ERC2: variants seen among roughly 807,000 people sequenced by gnomAD.
The protein encoded by ERC2 is ELKS/RAB6-interacting/CAST family member 2.
A neutral mutation model predicts 114.8 loss-of-function variants in ERC2; 42 were observed. The ratio of observed to expected loss-of-function variants is 0.37; its 90% confidence interval spans 0.29 to 0.47. ERC2 has a LOEUF of 0.47. ERC2 is among the 20% of genes least tolerant of loss of function. The pLI, the probability that ERC2 is intolerant of heterozygous loss-of-function variation, is 0.99. For synonymous variants in ERC2, 454 were observed against 425.5 expected (o/e 1.07, Z -0.82); for missense variants, 939 against 1,150.7 (o/e 0.82, Z 2.66).
chr3:55,900,855 G>A (rs1367442965), intron 13 of ERC2, among the ~76,000 whole-genome samples: 1 of 152,234 alleles, frequency 6.6e-6, no homozygotes, highest in African/African-American at 2.4e-5. Context: ...TGGTGATTTA[G>A]ATAATATCCT....
intron 15 of ERC2, among the ~76,000 whole-genome samples, chr3:55,723,310 G>A (rs1441151613): frequency 1.3e-5 from 2 of 152,094 alleles, no homozygotes; most frequent in African/African-American, 4.8e-5. Context: ...GGGATTATGG[G>A]TAACTTTAGT....
At chr3:56,242,518 G>A (rs1267523888) in intron 3 of ERC2, among the ~76,000 whole-genome samples, 1 of 151,978 alleles carries the variant, frequency 6.6e-6, no homozygotes, top group Non-Finnish European at 1.5e-5. Context: ...AATTTAGAAA[G>A]TGCATAATTT....
chr3:55,678,863 C>T (rs2061930779), intron 17 of ERC2, among the ~76,000 whole-genome samples: 2 of 152,122 alleles, frequency 1.3e-5, no homozygotes. Flanking sequence ...CTTTGTCTTA[C>T]CTCCCCATCC....
At chr3:56,161,636 G>C (rs114720635) in intron 4 of ERC2, among the ~76,000 whole-genome samples, 4,756 of 152,134 alleles carry the variant, frequency 0.031, 106 homozygotes, top group Non-Finnish European at 0.048. Flanking sequence ...TGTATTCCTA[G>C]GTATTTTGTG....
At chr3:56,263,714 C>T (rs2053099445) in intron 3 of ERC2, among the ~76,000 whole-genome samples, 1 of 152,166 alleles carries the variant, frequency 6.6e-6, no homozygotes, top group Non-Finnish European at 1.5e-5. Flanking sequence ...GGCTTCACTG[C>T]TGAATTCTAC....
At chr3:56,291,581 T>C (rs1321761426) in intron 3 of ERC2, among the ~76,000 whole-genome samples, 1 of 152,156 alleles carries the variant, frequency 6.6e-6, no homozygotes. Flanking sequence ...CACCTCTGCC[T>C]AAGAATGAAT....
intron 3 of ERC2, among the ~76,000 whole-genome samples, chr3:56,212,564 A>T (rs1327360793): frequency 6.6e-6 from 1 of 152,200 alleles, no homozygotes; most frequent in African/African-American, 2.4e-5. Flanking sequence ...TAAAGAACTA[A>T]AAGTAAATCT....
chr3:55,989,103 G>A (rs7650821), intron 11 of ERC2, among the ~76,000 whole-genome samples: 49,381 of 152,088 alleles, frequency 0.32, 8,607 homozygotes, highest in East Asian at 0.49. Context: ...CGCAAGACAC[G>A]GGCAGGCAGA....
chr3:56,343,708 G>A (rs1281243358), intron 2 of ERC2, among the ~76,000 whole-genome samples: 5 of 152,186 alleles, frequency 3.3e-5, no homozygotes, highest in East Asian at 1.9e-4. Context: ...AGGACCAAAC[G>A]TGTCTGGCTT....
chr3:56,363,176 T>C (rs2059023466), intron 2 of ERC2, among the ~76,000 whole-genome samples: 2 of 152,142 alleles, frequency 1.3e-5, no homozygotes, highest in Admixed American at 6.5e-5. Context: ...CAATGAGAAA[T>C]AGATTAAATG....
chr3:55,881,826 G>T (rs1020112723), intron 14 of ERC2, among the ~76,000 whole-genome samples: 12 of 152,156 alleles, frequency 7.9e-5, no homozygotes, highest in African/African-American at 2.9e-4. Context: ...GAACAATTAT[G>T]AAATGTTTTA....
intron 16 of ERC2, among the ~76,000 whole-genome samples, chr3:55,694,121 T>G (rs977673379): frequency 6.6e-6 from 1 of 152,292 alleles, no homozygotes; most frequent in Admixed American, 6.5e-5. Flanking sequence ...GGATCCATCA[T>G]AGTTGTGCAA....
Position 55,920,048 on chromosome 3 carries a change from T to C in ERC2, c.2403+30377A>G, listed in dbSNP as rs573782489. Among the ~76,000 whole-genome samples, 109 of 152,238 alleles carry C rather than the reference T, an allele frequency of 7.2e-4. No individual in the cohort carries two copies. In the East Asian group the frequency reaches 0.011, roughly 16 times the overall value. On this transcript the variant is annotated intron_variant, in intron 13 of 17. Transcript: ENST00000288221. ...GTAAAATTACAAAAATAGTCTACAT[T>C]GGTTAGGAATACACACATATGTCAA...
chr3:56,140,761 C>G (rs1208565852), intron 5 of ERC2, among the ~76,000 whole-genome samples: 1 of 152,160 alleles, frequency 6.6e-6, no homozygotes, highest in Non-Finnish European at 1.5e-5. Context: ...ATGTATGACT[C>G]ACACCTATAA....
chr3:56,360,578 CA>C (rs540603772), intron 2 of ERC2, among the ~76,000 whole-genome samples: 157 of 152,178 alleles, frequency 1.0e-3, no homozygotes, highest in African/African-American at 3.5e-3. Flanking sequence ...ACAGAAGCAG[CA>C]ATATAAGAGT....
chr3:56,009,786 C>G (rs2072774805), intron 9 of ERC2, among the ~76,000 whole-genome samples: 1 of 152,168 alleles, frequency 6.6e-6, no homozygotes. Context: ...GGGAATAGCC[C>G]AAAGCATCCT....
chr3:55,602,877 AGT>A (rs907623549), intron 17 of ERC2, among the ~76,000 whole-genome samples: 3 of 152,004 alleles, frequency 2.0e-5, no homozygotes, highest in African/African-American at 7.3e-5. Context: ...CATCCTTCAG[AGT>A]GTGTTTCAAA....
chr3:56,251,086 C>T (rs951890605), intron 3 of ERC2, among the ~76,000 whole-genome samples: 1 of 152,150 alleles, frequency 6.6e-6, no homozygotes, highest in Non-Finnish European at 1.5e-5. Flanking sequence ...GGATCCCAAA[C>T]AAAGTTATAC....
chr3:55,549,394 A>C (rs2054986234), intron 17 of ERC2, among the ~76,000 whole-genome samples: 1 of 151,958 alleles, frequency 6.6e-6, no homozygotes, highest in Non-Finnish European at 1.5e-5. Context: ...CTGGAACTTA[A>C]GCAGCTGTCT....
Sources: allele counts gnomAD v4.1 joint callset (sites outside exome capture counted in the v4.1 genomes callset), GRCh38; gene constraint gnomAD v4.1.1; transcripts MANE v1.5; gene names NCBI Gene and HGNC (gene_info 2026-07-23, HGNC 2026-07-21).